SPTBN1: variants seen among roughly 807,000 people sequenced by gnomAD.
The protein encoded by SPTBN1 is spectrin beta, non-erythrocytic 1.
A neutral mutation model predicts 266.4 loss-of-function variants in SPTBN1; 32 were observed. The ratio of observed to expected loss-of-function variants is 0.12; its 90% CI spans 0.09 to 0.16. The LOEUF is 0.16. Among genes scored for constraint, SPTBN1 ranks in the 10% least tolerant of loss-of-function variants. The pLI is 1.00. For synonymous variants in SPTBN1, 1,336 were observed against 1,162.2 expected (o/e 1.15, Z -3.04); for missense variants, 2,296 against 3,067.1 (o/e 0.75, Z 5.94).
chr2:54,591,885 T>C (rs1188032346), intron 2 of SPTBN1, among the ~76,000 whole-genome samples: 3 of 152,082 alleles, frequency 2.0e-5, no homozygotes, highest in African/African-American at 7.2e-5. Context: ...AGTAAATAAA[T>C]ATGGGGCTGG....
At chr2:54,666,975 T>G (rs1681412215) in intron 34 of SPTBN1, among the ~76,000 whole-genome samples, 1 of 152,170 alleles carries the variant, frequency 6.6e-6, no homozygotes, top group East Asian at 1.9e-4. Context: ...CCCTTTGTAC[T>G]CCCTTCATGC....
chr2:54,631,125 C>T lies in SPTBN1; in HGVS notation c.3078C>T (p.His1026=), dbSNP rs1196895279. The T allele has an allele frequency of 2.5e-6, 4 of 1,614,088 alleles. No homozygotes were observed. The highest frequency in any genetic ancestry group is 8.5e-7 in the Non-Finnish European group (1 of 1,180,054). ...QKEAEKLESE[H]PDQAQAILSR... is the part of the protein sequence containing the mutation. ...AGGCGGAGAAGCTGGAGTCCGAGCA[C>T]CCCGACCAGGCCCAGGCCATCCTGT... is the stretch of plus-strand genomic sequence containing the variant. Residue 1026 remains histidine, a synonymous_variant, in exon 16 of 36, where the codon CAC becomes CAT. Transcript: ENST00000356805.
At chr2:54,512,582 T>C (rs1047525549) in intron 1 of SPTBN1, among the ~76,000 whole-genome samples, 1 of 152,208 alleles carries the variant, frequency 6.6e-6, no homozygotes, top group African/African-American at 2.4e-5. Context: ...GCTGGTGAGA[T>C]TGTGAAATTA....
intron 2 of SPTBN1, among the ~76,000 whole-genome samples, chr2:54,583,293 A>G (rs1215712802): frequency 1.3e-5 from 2 of 152,182 alleles, no homozygotes; most frequent in African/African-American, 4.8e-5. Flanking sequence ...GGCTGGTGTC[A>G]GTAAACTGTA....
At chr2:54,551,335 G>GC (rs1193508966) in intron 2 of SPTBN1, among the ~76,000 whole-genome samples, 1 of 152,234 alleles carries the variant, frequency 6.6e-6, no homozygotes, top group Non-Finnish European at 1.5e-5. Flanking sequence ...CACTCTACCT[G>GC]CAACAGAGGA....
At chr2:54,625,532 G>A (rs973043540) in intron 11 of SPTBN1, among the ~76,000 whole-genome samples, 1 of 149,750 alleles carries the variant, frequency 6.7e-6, no homozygotes, top group Non-Finnish European at 1.5e-5. Flanking sequence ...AAGATTTCAT[G>A]TCTGTTCTTT....
chr2:54,611,102 T>C (rs942935917), intron 3 of SPTBN1, among the ~76,000 whole-genome samples: 4 of 152,240 alleles, frequency 2.6e-5, no homozygotes, highest in Non-Finnish European at 1.5e-5. Flanking sequence ...GTTTTGATAA[T>C]TTTTAATTTT....
At chr2:54,652,175 T>C (rs1680344769) in intron 26 of SPTBN1, among the ~76,000 whole-genome samples, 1 of 152,212 alleles carries the variant, frequency 6.6e-6, no homozygotes, top group Non-Finnish European at 1.5e-5. Context: ...TAATTAGACA[T>C]TGTACACAAG....
intron 2 of SPTBN1, chr2:54,529,196 G>A (rs528707278): frequency 3.2e-6 from 1 of 309,962 alleles, no homozygotes; most frequent in African/African-American, 2.2e-5. Context: ...ATCACATTTT[G>A]TGACTGATGC....
intron 1 of SPTBN1, among the ~76,000 whole-genome samples, chr2:54,476,245 A>G (rs1667824835): frequency 6.6e-6 from 1 of 152,226 alleles, no homozygotes. Context: ...ATTGATCAGA[A>G]TAATCAAATG....
intron 1 of SPTBN1, among the ~76,000 whole-genome samples, chr2:54,462,373 A>G (rs1220557075): frequency 6.6e-6 from 1 of 152,220 alleles, no homozygotes; most frequent in Non-Finnish European, 1.5e-5. Context: ...ATATTGATTA[A>G]TACAGTCTGA....
intron 2 of SPTBN1, among the ~76,000 whole-genome samples, chr2:54,564,187 A>G (rs1048798815): frequency 6.6e-6 from 1 of 152,206 alleles, no homozygotes; most frequent in African/African-American, 2.4e-5. Context: ...TCTTAAATCT[A>G]ATATTTTACT....
At chr2:54,638,397 T>A (rs927630853) in intron 18 of SPTBN1, among the ~76,000 whole-genome samples, 3 of 152,204 alleles carry the variant, frequency 2.0e-5, no homozygotes, top group Non-Finnish European at 4.4e-5. Flanking sequence ...AAAGACAAAT[T>A]AGTTTCTTAT....
intron 3 of SPTBN1, among the ~76,000 whole-genome samples, chr2:54,601,768 TAG>T (rs1676515497): frequency 1.3e-5 from 2 of 152,212 alleles, no homozygotes; most frequent in Non-Finnish European, 2.9e-5. Flanking sequence ...ACTTAATTAA[TAG>T]ATTCTTAGAG....
chr2:54,471,505 G>A (rs1693917418), intron 1 of SPTBN1, among the ~76,000 whole-genome samples: 1 of 148,588 alleles, frequency 6.7e-6, no homozygotes. Flanking sequence ...CAGGCATTGT[G>A]CAAAGTGACC....
chr2:54,456,679 G>A (rs1470428635), intron 1 of SPTBN1, among the ~76,000 whole-genome samples, 161 bp downstream of exon 1: 5 of 151,090 alleles, frequency 3.3e-5, no homozygotes, highest in Admixed American at 6.6e-5. Flanking sequence ...GGGGCAGGGA[G>A]GCTGCAAAGC....
At position 54,610,911 on chromosome 2, in the gene SPTBN1, T is replaced by C. The variant is rs987020006; in HGVS notation, c.301-1250T>C. The stretch of plus-strand genomic sequence containing the variant: ...TGGCTTTTTACTGTGATACCCAATT[T>C]ACTAGAGAGACCACGTGGAGATGAT... On this transcript the variant is annotated intron_variant, in intron 3 of 35. Coordinates refer to ENST00000356805, the MANE Select transcript of SPTBN1 (RefSeq NM_003128.3). Among the ~76,000 whole-genome samples the C allele has an allele frequency of 3.2e-4, 48 of 152,238 alleles. 1 individual carries two copies. Among genetic ancestry groups the C allele is most frequent in the African/African-American group, 1.2e-3 (48 of 41,462 alleles).
chr2:54,477,383 C>T (rs1332924276), intron 1 of SPTBN1, among the ~76,000 whole-genome samples: 1 of 149,844 alleles, frequency 6.7e-6, no homozygotes, highest in Non-Finnish European at 1.5e-5. Context: ...CCCAGACTTT[C>T]GGATTTGTGG....
In SPTBN1 at chr2:54,653,711, A is replaced by G; in HGVS notation, c.5680A>G (p.Lys1894Glu). Residue 1894 changes from lysine (K) to glutamate (E), a missense_variant, in exon 27 of 36, where the codon AAG (lysine) becomes GAG (glutamate). Around this residue, in one of 12 missense-constraint regions of SPTBN1, gnomAD observed 644 missense variants for 745.3 expected, o/e 0.86. Transcript: ENST00000356805. This position sits in a 1 kb window ranked among gnomAD's most constrained non-coding sequence, Gnocchi z 5.1. The part of the protein sequence containing the change: ...KRENEVLEAW[K>E]SLLDACESRR... Reference sequence around the variant, plus strand: ...CGAGAACGAGGTCCTGGAAGCCTGGAAGTCCCTCCTGGACGCCTGTGAGAG... The same window carrying G: ...CGAGAACGAGGTCCTGGAAGCCTGGGAGTCCCTCCTGGACGCCTGTGAGAG... The G allele has an allele frequency of 2.5e-6, 4 of 1,614,204 alleles. No homozygotes were observed. Among genetic ancestry groups the G allele is most frequent in the Non-Finnish European group, 3.4e-6 (4 of 1,180,018 alleles).
Sources: allele counts gnomAD v4.1 joint callset (sites outside exome capture counted in the v4.1 genomes callset), GRCh38; gene constraint gnomAD v4.1.1; regional missense constraint gnomAD v4.1.1; non-coding constraint Gnocchi (gnomAD v3.1); transcripts MANE v1.5; gene names NCBI Gene and HGNC (gene_info 2026-07-23, HGNC 2026-07-21).